Variants in PDCD10 observed in about 807,000 individuals in gnomAD.
PDCD10 encodes the protein programmed cell death 10.
PDCD10 carries 4 observed loss-of-function variants against 29.2 expected under a neutral mutation model. The observed-to-expected ratio is 0.14, with a 90% CI of 0.07 to 0.31. The LOEUF (loss-of-function observed/expected upper bound fraction) is 0.31, where lower values mean the gene tolerates loss of function less well. Among genes scored for constraint, PDCD10 ranks in the 10% least tolerant of loss-of-function variants. The pLI is 1.00. For synonymous variants in PDCD10, 70 were observed against 82.2 expected, an observed-to-expected ratio of 0.85 and a Z score of 0.80; for missense variants, 183 against 257.9, an observed-to-expected ratio of 0.71 and a Z score of 1.99.
intron 2 of PDCD10, among the ~76,000 whole-genome samples, 174 bp from the exon 3 acceptor site, chr3:167,720,447 A>C (rs1723454200): frequency 6.6e-6 from 1 of 152,078 alleles, no homozygotes; most frequent in South Asian, 2.1e-4. Flanking sequence ...TCCTCCAAAG[A>C]CTCAACAACT....
chr3:167,732,153 T>C (rs2108514242), intron 2 of PDCD10, among the ~76,000 whole-genome samples: 1 of 152,212 alleles, frequency 6.6e-6, no homozygotes, highest in East Asian at 1.9e-4. Context: ...ACTAAGTCTT[T>C]ACTCCAAAAT....
intron 8 of PDCD10, among the ~76,000 whole-genome samples, chr3:167,685,394 T>A: frequency 1.3e-5 from 1 of 76,244 alleles, no homozygotes; most frequent in Admixed American, 1.8e-4. Context: ...AGACTCTGTC[T>A]CCAAAAAAAA....
chr3:167,692,192 A>T (rs1299848436), intron 6 of PDCD10, among the ~76,000 whole-genome samples: 1 of 152,212 alleles, frequency 6.6e-6, no homozygotes, highest in Admixed American at 6.5e-5. Flanking sequence ...GGGATCACTG[A>T]CAATTTATCC....
Position 167,726,854 on chromosome 3 carries a change from T to G in PDCD10, c.-116-6581A>C, listed in dbSNP as rs575373387. 7.2e-5 allele frequency among the ~76,000 whole-genome samples: 11 copies of G among 152,290 alleles called. No individual in the cohort carries two copies. In the South Asian group the frequency reaches 2.3e-3, roughly 32 times the overall value. ...CCTAGGCATATCTCTTGCCTCACCCTAGTCCTGCCCCTGCATAACATACAC... is the reference window on the plus strand; with the variant it reads ...CCTAGGCATATCTCTTGCCTCACCCGAGTCCTGCCCCTGCATAACATACAC... On this transcript the variant is annotated intron_variant, in intron 2 of 8. Transcript: ENST00000392750.
At chr3:167,687,487 A>G in intron 7 of PDCD10, 128 bp downstream of exon 7, 1 of 747,562 alleles carries the variant, frequency 1.3e-6, no homozygotes, top group Non-Finnish European at 2.4e-6. Flanking sequence ...ATTTAAATTC[A>G]AGAATAAACT....
rs777184843 is a variant in PDCD10 at position 167,689,496 on chromosome 3, G to A, written c.396-1803C>T. 4.6e-5 allele frequency among the ~76,000 whole-genome samples: 7 copies of A among 152,196 alleles called. No individual in the cohort carries two copies. The East Asian group carries it at 5.8e-4, about 13-fold the overall frequency. ...TCCGGGGCTAGTCATCAAAATGAGCGTATGTTTCATATACAATAACAGTGG... is the reference window on the plus strand; with the variant it reads ...TCCGGGGCTAGTCATCAAAATGAGCATATGTTTCATATACAATAACAGTGG... On this transcript the variant is annotated intron_variant, in intron 6 of 8. Transcript: ENST00000392750.
intron 2 of PDCD10, among the ~76,000 whole-genome samples, chr3:167,728,709 A>G (rs1724478730): frequency 6.6e-6 from 1 of 152,194 alleles, no homozygotes. Flanking sequence ...AGTTGTATCC[A>G]TTTCTCTATT....
intron 6 of PDCD10, 25 bp downstream of exon 6, chr3:167,695,571 A>C (rs1381926394): frequency 6.2e-7 from 1 of 1,608,868 alleles, no homozygotes; most frequent in Non-Finnish European, 8.5e-7. Context: ...TAAGAAAAGA[A>C]GAAACAAAAC....
At chr3:167,694,212 A>G (rs767157359) in intron 6 of PDCD10, 4 of 166,114 alleles carry the variant, frequency 2.4e-5, no homozygotes, top group Non-Finnish European at 5.2e-5. Flanking sequence ...TTCCCTCCTT[A>G]AATGTTTCTA....
chr3:167,698,009 TTTACGATC>T (rs765962033), intron 4 of PDCD10: 3 of 456,550 alleles, frequency 6.6e-6, no homozygotes, highest in South Asian at 4.6e-5. Flanking sequence ...AGAAACACAA[TTTACGATC>T]TTAATCAGAT....
intron 3 of PDCD10, among the ~76,000 whole-genome samples, chr3:167,709,636 A>AGCAGTCTC (rs1722331593): frequency 6.6e-6 from 1 of 152,178 alleles, no homozygotes; most frequent in Non-Finnish European, 1.5e-5. Context: ...AGAGTCTCAG[A>AGCAGTCTC]TAAACTTGAA....
chr3:167,722,874 A>G (rs1723729231), intron 2 of PDCD10, among the ~76,000 whole-genome samples: 1 of 152,214 alleles, frequency 6.6e-6, no homozygotes, highest in Non-Finnish European at 1.5e-5. Flanking sequence ...AAATACTGGC[A>G]TTTAATATTT....
chr3:167,719,383 T>C (rs1014602094), intron 3 of PDCD10, among the ~76,000 whole-genome samples: 1 of 152,254 alleles, frequency 6.6e-6, no homozygotes, highest in Admixed American at 6.5e-5. Context: ...TTCCCCATTA[T>C]AGAAAAGGAA....
intron 4 of PDCD10, chr3:167,698,125 T>C (rs1007911027): frequency 1.4e-5 from 5 of 360,566 alleles, no homozygotes; most frequent in Middle Eastern, 9.8e-4. Context: ...TCTCTTCCTA[T>C]TGCTCTTTCC....
chr3:167,723,377 C>A (rs1004810547), intron 2 of PDCD10, among the ~76,000 whole-genome samples: 1 of 152,100 alleles, frequency 6.6e-6, no homozygotes, highest in Non-Finnish European at 1.5e-5. Flanking sequence ...GACCAAGTCC[C>A]GGCAGCTGGG....
At chr3:167,691,987 T>C (rs185374422) in intron 6 of PDCD10, among the ~76,000 whole-genome samples, 120 of 152,362 alleles carry the variant, frequency 7.9e-4, no homozygotes, top group Middle Eastern at 3.4e-3. Context: ...TAAATGATTG[T>C]TATTAAGATG....
chr3:167,704,047 C>T (rs898081224), intron 4 of PDCD10, among the ~76,000 whole-genome samples: 1 of 152,102 alleles, frequency 6.6e-6, no homozygotes, highest in African/African-American at 2.4e-5. Flanking sequence ...CTGAACAGCT[C>T]AAGTCTAAAG....
chr3:167,699,137 T>C (rs948573908), intron 4 of PDCD10, among the ~76,000 whole-genome samples: 1 of 152,238 alleles, frequency 6.6e-6, no homozygotes, highest in African/African-American at 2.4e-5. Context: ...GGGCACTTCA[T>C]AATTTCTCAA....
At chr3:167,690,738 T>C (rs1168507996) in intron 6 of PDCD10, among the ~76,000 whole-genome samples, 1 of 152,224 alleles carries the variant, frequency 6.6e-6, no homozygotes, top group Non-Finnish European at 1.5e-5. Context: ...TATTATAGCA[T>C]GTACTGTTGA....
Sources: gnomAD v4.1 joint callset for allele counts (sites outside exome capture counted in the v4.1 genomes callset) on GRCh38, gnomAD v4.1.1 for gene constraint, MANE v1.5 for transcripts, NCBI Gene and HGNC (gene_info 2026-07-23, HGNC 2026-07-21) for gene names.